The following CYLD variants were observed in gnomAD, a reference collection of about 807,000 sequenced individuals.
CYLD encodes the protein ubiquitin carboxyl-terminal hydrolase CYLD.
Under a neutral mutation model 104.5 loss-of-function variants are expected in CYLD, and 26 were observed. The ratio of observed to expected loss-of-function variants is 0.25; its 90% CI spans 0.18 to 0.35. CYLD has a LOEUF of 0.35. Ranked by LOEUF, CYLD falls within the 10% of genes least tolerant of loss-of-function variation. CYLD has a pLI of 1.00. For missense variants in CYLD, 703 were observed against 1,136.1 expected (o/e 0.62, Z 5.48); for synonymous variants, 385 against 399.9 (o/e 0.96, Z 0.45).
chr16:50,755,145 ATGTGTG>A (rs140764159), intron 5 of CYLD, among the ~76,000 whole-genome samples: 6 of 34,920 alleles, frequency 1.7e-4, no homozygotes, highest in African/African-American at 6.6e-4. Flanking sequence ...ACGTGTACAT[ATGTGTG>A]TATATACACA....
rs1241947850 is a variant in CYLD at position 50,795,313 on chromosome 16, C to T, written c.2686+885C>T. ...AGCCTCTTCTGCATGTAGTATCTTT[C>T]TCCCTGAAGTGGGGAATAGGCTGCA... On this transcript the variant is annotated intron_variant, in intron 18 of 18. Coordinates refer to ENST00000427738, the MANE Select transcript of CYLD (RefSeq NM_001378743.1). 2.0e-5 allele frequency among the ~76,000 whole-genome samples: 3 copies of T among 152,360 alleles called. No individual in the cohort carries two copies. In the East Asian group the frequency reaches 5.8e-4, roughly 29 times the overall value.
chr16:50,784,836 T>TC, intron 12 of CYLD: 1 of 213,706 alleles, frequency 4.7e-6, no homozygotes, highest in Admixed American at 5.4e-5. Flanking sequence ...TAGTCTAGCT[T>TC]CTTAAATCTG....
chr16:50,756,305 C>T (rs1212533010), intron 5 of CYLD, among the ~76,000 whole-genome samples: 1 of 152,130 alleles, frequency 6.6e-6, no homozygotes, highest in Non-Finnish European at 1.5e-5. Context: ...TGAGTGAGAG[C>T]TTGGTTTAAA....
chr16:50,795,560 A>T (rs568041986), intron 18 of CYLD: 2 of 702,898 alleles, frequency 2.8e-6, no homozygotes, highest in Non-Finnish European at 5.2e-6. Flanking sequence ...GCTCTCTCAG[A>T]TCCAGCCCCC....
At chr16:50,750,859 A>T (rs1966562032) in intron 3 of CYLD, among the ~76,000 whole-genome samples, 1 of 152,186 alleles carries the variant, frequency 6.6e-6, no homozygotes, top group South Asian at 2.1e-4. Flanking sequence ...TTGAAAAAAA[A>T]GTTGCAGAAA....
chr16:50,751,930 T>G, intron 4 of CYLD, 24 bp downstream of exon 4: 2 of 1,421,194 alleles, frequency 1.4e-6, no homozygotes, highest in East Asian at 4.8e-5. Context: ...GGATTAAATA[T>G]CTTTGTGATA....
chr16:50,759,297 T>C (rs1967645533), intron 5 of CYLD, among the ~76,000 whole-genome samples: 1 of 152,180 alleles, frequency 6.6e-6, no homozygotes, highest in African/African-American at 2.4e-5. Context: ...TAACAACATA[T>C]ATTAAGAATA....
chr16:50,780,287 G>A (rs1970096329), intron 9 of CYLD, among the ~76,000 whole-genome samples: 1 of 152,078 alleles, frequency 6.6e-6, no homozygotes, highest in African/African-American at 2.4e-5. Context: ...AATCGATTTA[G>A]GCTCCTTATA....
intron 4 of CYLD, among the ~76,000 whole-genome samples, chr16:50,753,847 T>C (rs748495155): frequency 2.6e-5 from 4 of 152,224 alleles, no homozygotes; most frequent in Non-Finnish European, 4.4e-5. Context: ...AGACTTTTTA[T>C]GTACAGAAAG....
chr16:50,748,757 G>A (rs1178931960), intron 2 of CYLD, among the ~76,000 whole-genome samples: 2 of 152,064 alleles, frequency 1.3e-5, no homozygotes, highest in Admixed American at 1.3e-4. Context: ...TTAATGTGAT[G>A]AACATTGCCC....
intron 14 of CYLD, among the ~76,000 whole-genome samples, chr16:50,788,542 C>G (rs990749255): frequency 1.3e-5 from 2 of 152,116 alleles, no homozygotes; most frequent in African/African-American, 4.8e-5. Context: ...CACTGTTGAA[C>G]TGATGGGTGA....
intron 18 of CYLD, chr16:50,795,661 C>T (rs1036818620): frequency 1.0e-5 from 7 of 701,310 alleles, no homozygotes; most frequent in Non-Finnish European, 1.8e-5. Context: ...AAGAGTTCTC[C>T]ACCTTTTCTC....
At chr16:50,757,339 T>G (rs3135503) in intron 5 of CYLD, among the ~76,000 whole-genome samples, 48,532 of 152,086 alleles carry the variant, frequency 0.32, 9,032 homozygotes, top group Non-Finnish European at 0.42. Flanking sequence ...ATTCAAATGA[T>G]AGCTTTATTT....
Position 50,749,906 on chromosome 16 carries a change from A to T in CYLD, c.208A>T (p.Ile70Phe). The T allele has an allele frequency of 6.2e-7, 1 of 1,614,184 alleles. No homozygotes were observed. Among genetic ancestry groups the T allele is most frequent in the South Asian group, 1.1e-5 (1 of 91,084 alleles). Reference sequence around the variant, plus strand: ...TTCTGCAAAAGGCAAGAAAAATCAGATTGGATTAAAAATTCTAGAGCAACC... The same window carrying T: ...TTCTGCAAAAGGCAAGAAAAATCAGTTTGGATTAAAAATTCTAGAGCAACC... Reference protein sequence around the residue: ...IPSAKGKKNQIGLKILEQPHA... With the variant: ...IPSAKGKKNQFGLKILEQPHA... Residue 70 changes from isoleucine to phenylalanine, a missense_variant, in exon 3 of 19, where the codon ATT becomes TTT. By Grantham distance (21) the Ile-to-Phe change is conservative. Coordinates refer to ENST00000427738, the MANE Select transcript of CYLD (RefSeq NM_001378743.1).
In CYLD at chr16:50,787,640, G is replaced by GA. The variant is rs1970987468; in HGVS notation, c.2042-142dup. 2.1e-5 allele frequency: 12 copies of GA among 570,352 alleles called. No homozygotes were observed. In the Admixed American group the frequency reaches 3.9e-4, roughly 19 times the overall value. The allele number at this position is 570,352 out of a possible 1,614,324, so 35.3% of individuals were successfully genotyped here. A position where few individuals can be genotyped will look rare whatever the true frequency, so the allele number is the denominator to read the frequency against. ...GTCTTTTATGTTTTTCCTTTGTCAG[G>GA]AAAACTTGAAAACTGTGCTTTTAAT... is the stretch of plus-strand genomic sequence containing the variant. On this transcript the variant is annotated intron_variant, in intron 13 of 18. Coordinates refer to ENST00000427738, the MANE Select transcript of CYLD (RefSeq NM_001378743.1).
Position 50,749,866 on chromosome 16 carries a change from G to C in CYLD, c.168G>C (p.Gly56=), listed in dbSNP as rs761931123. The C allele has an allele frequency of 4.0e-5, 64 of 1,613,988 alleles. No homozygotes were observed. Among genetic ancestry groups the C allele is most frequent in the Non-Finnish European group, 5.1e-5 (60 of 1,180,022 alleles). The change falls in exon 3 of 19, where the codon GGG becomes GGC. Residue 56 remains glycine (G), a synonymous_variant. Transcript: ENST00000427738. ...IGQYIQDRSV[G]HSRIPSAKGK... Reference sequence around the variant, plus strand: ...AGTATATTCAAGATCGTTCTGTGGGGCATTCAAGGATTCCTTCTGCAAAAG... The same window carrying C: ...AGTATATTCAAGATCGTTCTGTGGGCCATTCAAGGATTCCTTCTGCAAAAG...
Position 50,779,697 on chromosome 16 carries a change from A to C in CYLD, c.1171A>C (p.Ile391Leu), listed in dbSNP as rs1021976428. ...AGACCCTGCAAAATCTCTTACAGAG[A>C]TATCTACAGACTTTGACCGTTCTTC... ...AEDPAKSLTE[I>L]STDFDRSSPP... Residue 391 changes from isoleucine to leucine, a missense_variant, in exon 9 of 19, where the codon ATA becomes CTA. By Grantham distance (5) the Ile-to-Leu change is conservative. Transcript: ENST00000427738. The C allele has an allele frequency of 6.2e-7, 1 of 1,613,868 alleles. No homozygotes were observed. Among genetic ancestry groups the C allele is most frequent in the Non-Finnish European group, 8.5e-7 (1 of 1,179,976 alleles).
chr16:50,749,742 A>G lies in CYLD; in HGVS notation c.44A>G (p.Tyr15Cys). ...AGCCAAGAAAAAGTCACTTCACCCT[A>G]CTGGGAAGAGCGGATTTTTTACTTG... ...LWSQEKVTSP[Y>C]WEERIFYLLL... is the part of the protein sequence containing the mutation. The change falls in exon 3 of 19, where the codon TAC (tyrosine) becomes TGC (cysteine). Residue 15 changes from tyrosine to cysteine, a missense_variant. This residue lies in a region of CYLD where 142 missense variants were observed against 165.1 expected (regional missense o/e 0.86). Coordinates refer to ENST00000427738, the MANE Select transcript of CYLD (RefSeq NM_001378743.1). The G allele has an allele frequency of 6.2e-7, 1 of 1,613,874 alleles. No individual in the cohort carries two copies.
At chr16:50,754,908 C>CTT (rs1966858730) in intron 5 of CYLD, among the ~76,000 whole-genome samples, 1 of 148,234 alleles carries the variant, frequency 6.7e-6, no homozygotes, top group Admixed American at 6.8e-5. Flanking sequence ...CATATACACA[C>CTT]ATATATGTAT....
Sources: allele counts gnomAD v4.1 joint callset (sites outside exome capture counted in the v4.1 genomes callset), GRCh38; gene constraint gnomAD v4.1.1; regional missense constraint gnomAD v4.1.1; transcripts MANE v1.5; gene names NCBI Gene and HGNC (gene_info 2026-07-23, HGNC 2026-07-21).